Variants in ADCK1 observed in about 807,000 individuals in gnomAD.
The protein encoded by ADCK1 is aarF domain-containing protein kinase 1.
Under a neutral mutation model 52.3 loss-of-function variants are expected in ADCK1, and 41 were observed. That is an observed-to-expected ratio of 0.78 (90% CI 0.61 to 1.02). The LOEUF (loss-of-function observed/expected upper bound fraction) is 1.02. Among genes scored for constraint, ADCK1 ranks in the 50% least tolerant of loss-of-function variants. ADCK1 has a pLI of 0.00. For synonymous variants in ADCK1, 250 were observed against 274.6 expected, an observed-to-expected ratio of 0.91 and a Z score of 0.89; for missense variants, 658 against 679.5, an observed-to-expected ratio of 0.97 and a Z score of 0.35.
chr14:77,800,508 G>C (rs2139974506), intron 1 of ADCK1, among the ~76,000 whole-genome samples: 1 of 152,394 alleles, frequency 6.6e-6, no homozygotes, highest in South Asian at 2.1e-4. Flanking sequence ...GAGGGCCGGA[G>C]GTGGCTCACC....
chr14:77,814,417 C>G (rs1289979679), intron 1 of ADCK1, among the ~76,000 whole-genome samples: 1 of 115,954 alleles, frequency 8.6e-6, no homozygotes, highest in Non-Finnish European at 1.7e-5. Context: ...AATGAAGCCT[C>G]TCTTTACTGA....
At chr14:77,862,760 C>T (rs2082579125) in intron 4 of ADCK1, among the ~76,000 whole-genome samples, 1 of 152,218 alleles carries the variant, frequency 6.6e-6, no homozygotes, top group Non-Finnish European at 1.5e-5. Context: ...CAGTGCCGGA[C>T]ATTTGGGTGT....
At chr14:77,828,854 C>T (rs1375830814) in intron 3 of ADCK1, among the ~76,000 whole-genome samples, 1 of 142,274 alleles carries the variant, frequency 7.0e-6, no homozygotes, top group Non-Finnish European at 1.6e-5. Flanking sequence ...ACTATGAACT[C>T]ATGGATATTT....
At chr14:77,884,197 G>T (rs1048696271) in intron 4 of ADCK1, among the ~76,000 whole-genome samples, 3 of 152,246 alleles carry the variant, frequency 2.0e-5, no homozygotes, top group Admixed American at 2.0e-4. Flanking sequence ...ACTGATGTCA[G>T]ATGACCCCCA....
At chr14:77,916,832 A>G (rs572788489) in intron 7 of ADCK1, among the ~76,000 whole-genome samples, 9 of 152,312 alleles carry the variant, frequency 5.9e-5, no homozygotes, top group Non-Finnish European at 1.2e-4. Flanking sequence ...TGCTCCACCC[A>G]TGGACAAGTT....
intron 5 of ADCK1, among the ~76,000 whole-genome samples, chr14:77,891,290 C>T (rs1349897809): frequency 6.6e-6 from 1 of 152,142 alleles, no homozygotes; most frequent in East Asian, 1.9e-4. Flanking sequence ...GCCTACAAAC[C>T]TGATTTTTCT....
chr14:77,804,209 C>T (rs77306091), intron 1 of ADCK1, among the ~76,000 whole-genome samples: 3,186 of 152,160 alleles, frequency 0.021, 105 homozygotes, highest in African/African-American at 0.07. Flanking sequence ...GGCTAGTAAG[C>T]AGAACAGGGC....
At chr14:77,852,362 ACTTTT>A (rs2082301492) in intron 3 of ADCK1, among the ~76,000 whole-genome samples, 2 of 151,918 alleles carry the variant, frequency 1.3e-5, no homozygotes, top group Non-Finnish European at 2.9e-5. Flanking sequence ...ATCTGCAAGA[ACTTTT>A]ATACCTTTAT....
At chr14:77,871,956 C>T (rs1429362024) in intron 4 of ADCK1, among the ~76,000 whole-genome samples, 4 of 152,220 alleles carry the variant, frequency 2.6e-5, no homozygotes, top group African/African-American at 9.6e-5. Context: ...GGCTTTCTAA[C>T]CCCAGCATTC....
intron 5 of ADCK1, among the ~76,000 whole-genome samples, chr14:77,887,564 C>G (rs535197712): frequency 2.0e-5 from 3 of 152,138 alleles, no homozygotes; most frequent in African/African-American, 7.2e-5. Flanking sequence ...ATGAGCTGAA[C>G]CAAAGGTGTG....
At position 77,874,801 on chromosome 14, in the gene ADCK1, A is replaced by C. The variant is rs2082862971; in HGVS notation, c.424-12290A>C. On this transcript the variant is annotated intron_variant, in intron 4 of 10. Transcript: ENST00000238561. ...CAGCTGTTAAATGTGTGAGGAGAAA[A>C]ATAAAGCTTTAATAACACCTGTGGT... Among the ~76,000 whole-genome samples the C allele has an allele frequency of 2.0e-5, 3 of 152,078 alleles. No individual in the cohort carries two copies. The South Asian group carries it at 6.2e-4, about 32-fold the overall frequency.
intron 3 of ADCK1, among the ~76,000 whole-genome samples, chr14:77,846,044 T>C (rs564028893): frequency 1.3e-5 from 2 of 152,196 alleles, no homozygotes; most frequent in Non-Finnish European, 2.9e-5. Context: ...GGGTGTGTGA[T>C]GCAGCTCTGG....
intron 6 of ADCK1, among the ~76,000 whole-genome samples, chr14:77,902,942 G>T (rs74065827): frequency 0.12 from 18,486 of 152,128 alleles, 1,380 homozygotes; most frequent in African/African-American, 0.2. Context: ...TTCAAGTGTG[G>T]TGCTCCTCTC....
chr14:77,931,181 C>T (rs1299294220), intron 9 of ADCK1, among the ~76,000 whole-genome samples: 1 of 152,200 alleles, frequency 6.6e-6, no homozygotes, highest in African/African-American at 2.4e-5. Context: ...TCAGCTGGTA[C>T]TGGCTTCTGG....
At chr14:77,802,142 C>T (rs1399942561) in intron 1 of ADCK1, among the ~76,000 whole-genome samples, 1 of 151,978 alleles carries the variant, frequency 6.6e-6, no homozygotes, top group Non-Finnish European at 1.5e-5. Context: ...CCATCACTTA[C>T]CAGCTCCTTG....
intron 3 of ADCK1, among the ~76,000 whole-genome samples, chr14:77,851,818 A>C (rs2082289986): frequency 6.6e-6 from 1 of 152,134 alleles, no homozygotes; most frequent in African/African-American, 2.4e-5. Context: ...TTACATTGTT[A>C]ATAATTTGGT....
At position 77,833,477 on chromosome 14, in the gene ADCK1, G is replaced by A. The variant is rs142918200; in HGVS notation, c.219+10959G>A. On this transcript the variant is annotated intron_variant, in intron 3 of 10. Coordinates refer to ENST00000238561, the MANE Select transcript of ADCK1 (RefSeq NM_020421.4). ...GGAGTTTGTGATAATTTCTGCAGGA[G>A]CATGAGCTGCATTTAATTCTCTCTG... 1.1e-3 allele frequency among the ~76,000 whole-genome samples: 163 copies of A among 152,298 alleles called. 2 individuals carry two copies. The highest frequency in any genetic ancestry group is 3.4e-3 in the Middle Eastern group (1 of 294).
In ADCK1 at chr14:77,816,933, A is replaced by G. The variant is rs1594865777; in HGVS notation, c.-11-2035A>G. On this transcript the variant is annotated intron_variant, in intron 1 of 10. Coordinates refer to ENST00000238561, the MANE Select transcript of ADCK1 (RefSeq NM_020421.4). The stretch of plus-strand genomic sequence containing the variant: ...AAAATGTGGCTATATTATAAGGCAT[A>G]AGTCAAAGTAGACTTTAAAGAAAAT... Among the ~76,000 whole-genome samples, 6 of 141,702 alleles carry G rather than the reference A, an allele frequency of 4.2e-5. No homozygotes were observed. In the East Asian group the frequency reaches 1.2e-3, roughly 29 times the overall value. 93.0% of individuals were successfully genotyped at this position (141,702 alleles called of 152,430 possible).
chr14:77,897,451 A>G lies in ADCK1; in HGVS notation c.583-1649A>G, dbSNP rs189603355. On this transcript the variant is annotated intron_variant, in intron 5 of 10. Transcript: ENST00000238561. ...CAGCCTTAGGATTGTGTCTCTGCTCATGGCAGGGGCTGTGGTATGCTGTGC... is the reference window on the plus strand; with the variant it reads ...CAGCCTTAGGATTGTGTCTCTGCTCGTGGCAGGGGCTGTGGTATGCTGTGC... Among the ~76,000 whole-genome samples the G allele has an allele frequency of 1.2e-4, 19 of 152,280 alleles. 1 individual carries two copies. The highest frequency in any genetic ancestry group is 2.6e-4 in the African/African-American group (11 of 41,552).
Sources: gnomAD v4.1 joint callset for allele counts (sites outside exome capture counted in the v4.1 genomes callset) on GRCh38, gnomAD v4.1.1 for gene constraint, MANE v1.5 for transcripts, NCBI Gene and HGNC (gene_info 2026-07-23, HGNC 2026-07-21) for gene names.